The following RXFP1 variants were observed in gnomAD, a reference collection of about 807,000 sequenced individuals.
RXFP1 encodes relaxin receptor 1.
A neutral mutation model predicts 89.8 loss-of-function variants in RXFP1; 73 were observed. The ratio of observed to expected loss-of-function variants is 0.81; its 90% CI spans 0.67 to 0.99. The LOEUF is 0.99. Among genes scored for constraint, RXFP1 ranks in the 50% least tolerant of loss-of-function variants. RXFP1 has a pLI of 0.00. For synonymous variants in RXFP1, 277 were observed against 305.5 expected, an observed-to-expected ratio of 0.91 and a Z score of 0.97; for missense variants, 793 against 895.5, an observed-to-expected ratio of 0.89 and a Z score of 1.46.
chr4:158,606,550 A>G (rs2150113985), intron 5 of RXFP1, among the ~76,000 whole-genome samples: 2 of 152,250 alleles, frequency 1.3e-5, no homozygotes, highest in African/African-American at 4.8e-5. Context: ...TACCTACTAC[A>G]TGATTGGGCC....
intron 1 of RXFP1, among the ~76,000 whole-genome samples, chr4:158,548,436 T>C (rs557498720): frequency 5.3e-4 from 80 of 152,348 alleles, no homozygotes; most frequent in African/African-American, 1.7e-3. Flanking sequence ...AATTGGAGCA[T>C]TTAGCCCATT....
chr4:158,541,689 T>C (rs1354410205), intron 1 of RXFP1, among the ~76,000 whole-genome samples: 2 of 152,122 alleles, frequency 1.3e-5, no homozygotes, highest in Non-Finnish European at 2.9e-5. Flanking sequence ...AACATACATA[T>C]ATATTTTTTC....
At chr4:158,534,908 T>TTTA (rs1744933900) in intron 1 of RXFP1, among the ~76,000 whole-genome samples, 1 of 147,468 alleles carries the variant, frequency 6.8e-6, no homozygotes, top group Admixed American at 6.8e-5. Context: ...TTTTATTACA[T>TTTA]ATAATAAAAT....
intron 1 of RXFP1, among the ~76,000 whole-genome samples, chr4:158,531,011 C>T (rs1309999929): frequency 1.3e-5 from 2 of 152,088 alleles, no homozygotes; most frequent in Non-Finnish European, 2.9e-5. Flanking sequence ...AGCTCCACGC[C>T]CTCTTCTGTT....
chr4:158,616,721 G>A (rs1052496142), intron 8 of RXFP1, among the ~76,000 whole-genome samples: 1 of 150,732 alleles, frequency 6.6e-6, no homozygotes, highest in African/African-American at 2.4e-5. Context: ...AGGGAAGGCT[G>A]GGCATGGTGG....
At chr4:158,542,638 A>G (rs1197582185) in intron 1 of RXFP1, among the ~76,000 whole-genome samples, 1 of 152,202 alleles carries the variant, frequency 6.6e-6, no homozygotes, top group Non-Finnish European at 1.5e-5. Flanking sequence ...AAACAAAAAC[A>G]TCACATTTAT....
chr4:158,562,034 A>C (rs1388799152), intron 1 of RXFP1, among the ~76,000 whole-genome samples: 1 of 152,172 alleles, frequency 6.6e-6, no homozygotes, highest in African/African-American at 2.4e-5. Flanking sequence ...TGCTGCTTAT[A>C]CACTTAAATT....
intron 1 of RXFP1, among the ~76,000 whole-genome samples, chr4:158,560,417 T>C (rs1299841832): frequency 6.6e-6 from 1 of 152,180 alleles, no homozygotes; most frequent in Non-Finnish European, 1.5e-5. Context: ...CCATCAGTCT[T>C]TCACTTACTC....
chr4:158,554,083 T>C (rs562398285), intron 1 of RXFP1, among the ~76,000 whole-genome samples: 2 of 152,196 alleles, frequency 1.3e-5, no homozygotes, highest in African/African-American at 4.8e-5. Context: ...CCCCAAGTTG[T>C]GACAATCAAA....
chr4:158,627,015 G>T, intron 10 of RXFP1, 124 bp downstream of exon 10: 1 of 468,472 alleles, frequency 2.1e-6, no homozygotes, highest in Non-Finnish European at 3.7e-6. Context: ...ATCTCAGTTT[G>T]AGAAACACTA....
chr4:158,637,946 T>C, intron 12 of RXFP1, 62 bp from the exon 13 acceptor site: 1 of 990,818 alleles, frequency 1.0e-6, no homozygotes, highest in Non-Finnish European at 1.6e-6. Context: ...AATAAACAGA[T>C]TCACTCGCTT....
chr4:158,652,129 A>G lies in RXFP1; in HGVS notation c.*74A>G. 1 of 1,175,462 alleles carries G rather than the reference A, an allele frequency of 8.5e-7. No homozygotes were observed. The highest frequency in any genetic ancestry group is 1.2e-6 in the Non-Finnish European group (1 of 842,768). 72.8% of individuals were successfully genotyped at this position (1,175,462 alleles called of 1,614,324 possible). A position where few individuals can be genotyped will look rare whatever the true frequency, so the allele number is the denominator to read the frequency against. ...ATGAGGGATTTACTGGTATGAAATG[A>G]ATACCACAAAATTAATTTATAATAA... On this transcript the variant is annotated 3_prime_UTR_variant, in exon 18 of 18. Coordinates refer to ENST00000307765, the MANE Select transcript of RXFP1 (RefSeq NM_021634.4).
intron 7 of RXFP1, 25 bp from the exon 8 acceptor site, chr4:158,612,266 T>C: frequency 6.2e-7 from 1 of 1,606,726 alleles, no homozygotes; most frequent in Non-Finnish European, 8.5e-7. Flanking sequence ...TATAAATGAA[T>C]TAATTTTTTT....
intron 12 of RXFP1, among the ~76,000 whole-genome samples, chr4:158,635,962 C>T (rs1019575855): frequency 2.0e-5 from 3 of 151,836 alleles, no homozygotes; most frequent in African/African-American, 4.8e-5. Flanking sequence ...CAAAATGCTG[C>T]GATTACAGGC....
intron 16 of RXFP1, among the ~76,000 whole-genome samples, chr4:158,648,032 C>T (rs933703260): frequency 1.3e-5 from 2 of 149,878 alleles, no homozygotes; most frequent in African/African-American, 4.9e-5. Context: ...AAAAAATTAG[C>T]TGGTGTGATG....
chr4:158,610,607 T>A (rs913650196), intron 6 of RXFP1: 1 of 1,128,184 alleles, frequency 8.9e-7, no homozygotes. Flanking sequence ...GCTATTATGG[T>A]TCACTGAAAG....
chr4:158,551,302 G>T (rs1031329659), intron 1 of RXFP1, among the ~76,000 whole-genome samples: 12 of 152,146 alleles, frequency 7.9e-5, no homozygotes, highest in Non-Finnish European at 1.6e-4. Context: ...GGGAGTACCA[G>T]GGTCTGGGGA....
intron 3 of RXFP1, among the ~76,000 whole-genome samples, chr4:158,595,220 A>G (rs1345842520): frequency 1.3e-5 from 2 of 152,184 alleles, no homozygotes; most frequent in African/African-American, 4.8e-5. Context: ...GTTTTGTACA[A>G]CTTATATCAC....
chr4:158,572,880 G>C, intron 2 of RXFP1, 45 bp downstream of exon 2: 1 of 1,595,974 alleles, frequency 6.3e-7, no homozygotes, highest in Non-Finnish European at 8.6e-7. Context: ...GGAGCAGAAA[G>C]GACTGAAGGT....
Sources: gnomAD v4.1 joint callset for allele counts (sites outside exome capture counted in the v4.1 genomes callset) on GRCh38, gnomAD v4.1.1 for gene constraint, MANE v1.5 for transcripts, NCBI Gene and HGNC (gene_info 2026-07-23, HGNC 2026-07-21) for gene names.